KANSL2: variants seen among roughly 807,000 people sequenced by gnomAD.
The protein encoded by KANSL2 is KAT8 regulatory NSL complex subunit 2, also known as NSL complex protein NSL2.
In KANSL2, 34 loss-of-function variants were observed where a neutral mutation model predicts 55.6. The ratio of observed to expected loss-of-function variants is 0.61; its 90% confidence interval spans 0.46 to 0.81. The LOEUF is 0.81. KANSL2 is among the 40% of genes least tolerant of loss of function. KANSL2 has a pLI of 0.00. For synonymous variants in KANSL2, 209 were observed against 214.3 expected (o/e 0.98, Z 0.22); for missense variants, 502 against 609.9 (o/e 0.82, Z 1.86).
Position 48,680,096 on chromosome 12 carries a change from G to A in KANSL2, c.252-263C>T, listed in dbSNP as rs146992639. The A allele has an allele frequency of 1.6e-4, 59 of 373,276 alleles. 1 individual carries two copies. In the East Asian group the frequency reaches 2.9e-3, roughly 18 times the overall value. 23.1% of individuals were successfully genotyped at this position (373,276 alleles called of 1,614,324 possible). A position where few individuals can be genotyped will look rare whatever the true frequency, so the allele number is the denominator to read the frequency against. ...GAGGCAAGGGATTGGGTCTTGCTCTGTTGCCCAGGCTAAAGTGCAGTGGTG... is the reference window on the plus strand; with the variant it reads ...GAGGCAAGGGATTGGGTCTTGCTCTATTGCCCAGGCTAAAGTGCAGTGGTG... On this transcript the variant is annotated intron_variant, in intron 2 of 9. Transcript: ENST00000420613.
At chr12:48,673,647 A>C (rs756596407) in intron 4 of KANSL2, among the ~76,000 whole-genome samples, 3 of 151,906 alleles carry the variant, frequency 2.0e-5, no homozygotes, top group Non-Finnish European at 4.4e-5. Flanking sequence ...TGATTTATGC[A>C]ATCAAAATTA....
At chr12:48,667,870 G>T (rs1245966320) in intron 6 of KANSL2, 81 bp from the exon 7 acceptor site, 1 of 1,020,708 alleles carries the variant, frequency 9.8e-7, no homozygotes, top group East Asian at 2.4e-5. Context: ...TATAAGAAAA[G>T]CACATCCTAA....
In KANSL2 at chr12:48,671,847, TCTC is replaced by T. The variant is rs1273894025; in HGVS notation, c.658_660del (p.Glu220del). 1.9e-6 allele frequency: 3 copies of T among 1,613,086 alleles called. No individual in the cohort carries two copies. Among genetic ancestry groups the T allele is most frequent in the Non-Finnish European group, 2.5e-6 (3 of 1,179,410 alleles). On this transcript the variant is annotated inframe_deletion, in exon 5 of 10. Coordinates refer to ENST00000420613, the MANE Select transcript of KANSL2 (RefSeq NM_017822.4). ...CGATTATGTAAGTATCGGCGCTTCT[TCTC>T]CTTGAGCAGATGCTGAAGTCGTTTA...
At chr12:48,665,346 C>A (rs959244583) in intron 7 of KANSL2, among the ~76,000 whole-genome samples, 1 of 152,170 alleles carries the variant, frequency 6.6e-6, no homozygotes, top group Non-Finnish European at 1.5e-5. Flanking sequence ...AGGCAGATCA[C>A]AAGGTCAGGA....
intron 7 of KANSL2, among the ~76,000 whole-genome samples, chr12:48,665,248 T>G (rs1939572415): frequency 6.6e-6 from 1 of 151,930 alleles, no homozygotes; most frequent in Non-Finnish European, 1.5e-5. Context: ...TAAGAAGAGG[T>G]TCTCCTTCTC....
chr12:48,680,872 G>A (rs912469747), intron 2 of KANSL2, among the ~76,000 whole-genome samples: 5 of 152,062 alleles, frequency 3.3e-5, no homozygotes, highest in African/African-American at 1.2e-4. Context: ...CAACTACTTA[G>A]GAGGCAGGAG....
At chr12:48,659,270 A>G (rs551580355) in intron 8 of KANSL2, among the ~76,000 whole-genome samples, 1 of 151,732 alleles carries the variant, frequency 6.6e-6, no homozygotes, top group East Asian at 1.9e-4. Flanking sequence ...CTCCAGCTTG[A>G]ACAACAGAAC....
intron 1 of KANSL2, 167 bp from the exon 2 acceptor site, chr12:48,681,808 T>A (rs1458122054): frequency 2.4e-6 from 2 of 820,130 alleles, no homozygotes; most frequent in African/African-American, 1.7e-5. Context: ...TCTGTGGCTT[T>A]GCCTCCCTTT....
chr12:48,658,855 A>T (rs929168492), intron 8 of KANSL2, among the ~76,000 whole-genome samples: 1 of 152,260 alleles, frequency 6.6e-6, no homozygotes, highest in Non-Finnish European at 1.5e-5. Context: ...AAGTAGTAAG[A>T]TTAAGGTGTT....
At chr12:48,681,756 G>A (rs1480938795) in intron 1 of KANSL2, 115 bp from the exon 2 acceptor site, 3 of 1,321,814 alleles carry the variant, frequency 2.3e-6, no homozygotes, top group African/African-American at 2.9e-5. Context: ...CGTAAGGTAC[G>A]CTCCGTAAGT....
At chr12:48,669,429 T>C (rs1939664769) in intron 5 of KANSL2, among the ~76,000 whole-genome samples, 157 bp from the exon 6 acceptor site, 1 of 152,162 alleles carries the variant, frequency 6.6e-6, no homozygotes. Context: ...TAAATCTAAT[T>C]ATAGTCATGC....
At chr12:48,656,553 T>C in intron 8 of KANSL2, 1 of 357,448 alleles carries the variant, frequency 2.8e-6, no homozygotes, top group Non-Finnish European at 5.4e-6. Flanking sequence ...ATTACAGGCA[T>C]GAGCCACCAC....
intron 4 of KANSL2, 105 bp from the exon 5 acceptor site, chr12:48,672,067 G>T: frequency 1.1e-6 from 1 of 930,816 alleles, no homozygotes. Flanking sequence ...AACAAGTGGT[G>T]ACATAATCAC....
At chr12:48,677,703 T>A (rs1222238990) in intron 4 of KANSL2, among the ~76,000 whole-genome samples, 1 of 142,082 alleles carries the variant, frequency 7.0e-6, no homozygotes, top group Non-Finnish European at 1.5e-5. Flanking sequence ...GAGAATTGCT[T>A]GAACCTGGGA....
chr12:48,660,585 C>T lies in KANSL2; in HGVS notation c.1008G>A (p.Lys336=). The change falls in exon 8 of 10, where the codon AAG becomes AAA. Residue 336 remains lysine, a synonymous_variant. Transcript: ENST00000420613. The stretch of plus-strand genomic sequence containing the variant: ...GTACCTCTTCAGATCCCTGGCAGCA[C>T]TTGAAGAGAACCTGATTCGTATCCT... ...ICQDTNQVLF[K]CCQGSEEVPC... is the part of the protein sequence containing the mutation. 2 of 1,613,216 alleles carry T rather than the reference C, an allele frequency of 1.2e-6. No homozygotes were observed. Among genetic ancestry groups the T allele is most frequent in the Non-Finnish European group, 1.7e-6 (2 of 1,179,576 alleles).
At chr12:48,662,703 T>A (rs1309261748) in intron 7 of KANSL2, 1 of 1,245,874 alleles carries the variant, frequency 8.0e-7, no homozygotes, top group Non-Finnish European at 1.0e-6. Flanking sequence ...AACTATGGAG[T>A]GGAAAGGAAA....
intron 4 of KANSL2, among the ~76,000 whole-genome samples, chr12:48,672,785 G>C (rs915263546): frequency 6.7e-6 from 1 of 149,894 alleles, no homozygotes; most frequent in African/African-American, 2.5e-5. Context: ...TTTTGAGACA[G>C]TCTTGCTCTG....
At chr12:48,674,315 A>AT (rs960257007) in intron 4 of KANSL2, among the ~76,000 whole-genome samples, 5 of 151,670 alleles carry the variant, frequency 3.3e-5, no homozygotes, top group African/African-American at 1.2e-4. Flanking sequence ...TAATTTTTTT[A>AT]TTTTTTGTAT....
Position 48,681,366 on chromosome 12 carries a change from A to T in KANSL2, c.251+16T>A. 5 of 1,597,534 alleles carry T rather than the reference A, an allele frequency of 3.1e-6. No homozygotes were observed. The highest frequency in any genetic ancestry group is 4.3e-6 in the Non-Finnish European group (5 of 1,172,088). ...TCGCTTTAAGAAAAACGACATATAT[A>T]TCTATACATATATACCCATCTTTCT... On this transcript the variant is annotated intron_variant, in intron 2 of 9. Coordinates refer to ENST00000420613, the MANE Select transcript of KANSL2 (RefSeq NM_017822.4).
Sources: allele counts gnomAD v4.1 joint callset (sites outside exome capture counted in the v4.1 genomes callset), GRCh38; gene constraint gnomAD v4.1.1; transcripts MANE v1.5; gene names NCBI Gene and HGNC (gene_info 2026-07-23, HGNC 2026-07-21).